The following CFAP20DC variants were observed in gnomAD, a reference collection of about 807,000 sequenced individuals.
The protein encoded by CFAP20DC is CFAP20 domain containing.
In CFAP20DC, 84 loss-of-function variants were observed where a neutral mutation model predicts 101.7. The observed-to-expected ratio is 0.83, with a 90% CI of 0.69 to 0.99. CFAP20DC has a LOEUF of 0.99. Among genes scored for constraint, CFAP20DC ranks in the 50% least tolerant of loss-of-function variants. CFAP20DC has a pLI of 0.00. For missense variants in CFAP20DC, 1,007 were observed against 970.3 expected (o/e 1.04, Z -0.50); for synonymous variants, 359 against 351.2 (o/e 1.02, Z -0.25).
chr3:58,959,974 G>T (rs115045896), intron 4 of CFAP20DC, among the ~76,000 whole-genome samples: 3,227 of 151,844 alleles, frequency 0.021, 48 homozygotes, highest in Middle Eastern at 0.058. Context: ...AAATTTTCTG[G>T]TTTTTTTTCT....
intron 4 of CFAP20DC, among the ~76,000 whole-genome samples, chr3:58,944,076 A>C (rs1045652849): frequency 5.9e-5 from 9 of 152,190 alleles, no homozygotes; most frequent in Non-Finnish European, 1.3e-4. Context: ...GAACTATGTA[A>C]AATGACCAAA....
intron 4 of CFAP20DC, among the ~76,000 whole-genome samples, chr3:59,011,569 A>G (rs1444810624): frequency 6.6e-6 from 1 of 152,072 alleles, no homozygotes; most frequent in Non-Finnish European, 1.5e-5. Flanking sequence ...AAGAAGAACA[A>G]ATCAAACCCA....
At chr3:58,803,379 A>T (rs1415951990) in intron 15 of CFAP20DC, among the ~76,000 whole-genome samples, 1 of 152,158 alleles carries the variant, frequency 6.6e-6, no homozygotes, top group East Asian at 1.9e-4. Context: ...AACAGGGTGG[A>T]CTTCAGAGAA....
At chr3:59,031,751 C>T (rs1054926807) in intron 4 of CFAP20DC, among the ~76,000 whole-genome samples, 2 of 152,106 alleles carry the variant, frequency 1.3e-5, no homozygotes, top group Admixed American at 1.3e-4. Flanking sequence ...AACATATAAA[C>T]AAATCATTAA....
intron 15 of CFAP20DC, among the ~76,000 whole-genome samples, chr3:58,764,388 C>T (rs569584719): frequency 4.6e-5 from 7 of 152,220 alleles, no homozygotes; most frequent in Admixed American, 1.3e-4. Flanking sequence ...GTTGGAAAAG[C>T]GCAGTATTAG....
intron 15 of CFAP20DC, among the ~76,000 whole-genome samples, chr3:58,781,496 C>A (rs1196563967): frequency 2.6e-5 from 4 of 151,420 alleles, no homozygotes; most frequent in South Asian, 4.2e-4. Context: ...TAAAAAGGAT[C>A]AACAAAACAA....
At position 58,834,540 on chromosome 3, in the gene CFAP20DC, G is replaced by T. The variant is rs80304610; in HGVS notation, c.1972-2651C>A. On this transcript the variant is annotated intron_variant, in intron 13 of 16. Coordinates refer to ENST00000482387, the MANE Select transcript of CFAP20DC (RefSeq NM_001394063.1). ...GCCTGAAGAACAACACTGGGTTCTA[G>T]GAGAGAAGAATAAGAGAGGATGTGG... is the stretch of plus-strand genomic sequence containing the variant. 8.4e-3 allele frequency among the ~76,000 whole-genome samples: 1,282 copies of T among 152,216 alleles called. 18 individuals carry two copies. Among genetic ancestry groups the T allele is most frequent in the African/African-American group, 0.029 (1,205 of 41,516 alleles).
At chr3:58,889,574 T>G (rs911000917) in intron 6 of CFAP20DC, among the ~76,000 whole-genome samples, 2 of 151,248 alleles carry the variant, frequency 1.3e-5, no homozygotes, top group Non-Finnish European at 2.9e-5. Context: ...ATTTTTTTAT[T>G]GATAATTCTT....
chr3:58,760,822 C>T (rs1044184555), intron 15 of CFAP20DC, among the ~76,000 whole-genome samples: 3 of 152,080 alleles, frequency 2.0e-5, no homozygotes, highest in Admixed American at 6.6e-5. Context: ...GTTCTGTTTA[C>T]ATGCTGGATT....
intron 4 of CFAP20DC, among the ~76,000 whole-genome samples, chr3:58,988,714 A>C (rs1403672330): frequency 6.6e-6 from 1 of 152,198 alleles, no homozygotes; most frequent in Admixed American, 6.5e-5. Flanking sequence ...AGTTTCTCCT[A>C]AAGAGAAATG....
chr3:58,935,622 T>A (rs2107742840), intron 5 of CFAP20DC, among the ~76,000 whole-genome samples: 1 of 152,242 alleles, frequency 6.6e-6, no homozygotes, highest in African/African-American at 2.4e-5. Context: ...TAACGCCGCA[T>A]ATCTACAACT....
At chr3:58,942,958 G>T (rs1353158200) in intron 4 of CFAP20DC, among the ~76,000 whole-genome samples, 1 of 152,200 alleles carries the variant, frequency 6.6e-6, no homozygotes, top group African/African-American at 2.4e-5. Flanking sequence ...AAAGCCACCA[G>T]GAATTTCGAA....
intron 7 of CFAP20DC, among the ~76,000 whole-genome samples, chr3:58,873,336 A>AC (rs2080415087): frequency 1.3e-5 from 2 of 150,310 alleles, no homozygotes; most frequent in East Asian, 4.0e-4. Flanking sequence ...AGAAGTCTGG[A>AC]TAGCTATGCT....
intron 15 of CFAP20DC, among the ~76,000 whole-genome samples, chr3:58,797,491 A>T (rs1041301109): frequency 2.0e-5 from 3 of 152,192 alleles, no homozygotes; most frequent in Non-Finnish European, 4.4e-5. Flanking sequence ...TTGAGTTAGC[A>T]GAGGTTGATT....
At chr3:58,777,693 A>G (rs1012401562) in intron 15 of CFAP20DC, among the ~76,000 whole-genome samples, 2 of 152,190 alleles carry the variant, frequency 1.3e-5, no homozygotes, top group African/African-American at 4.8e-5. Context: ...GGGAGTCTGG[A>G]GTGGCTTCCT....
At chr3:58,761,128 A>T (rs1445775440) in intron 15 of CFAP20DC, among the ~76,000 whole-genome samples, 1 of 152,028 alleles carries the variant, frequency 6.6e-6, no homozygotes, top group Admixed American at 6.6e-5. Context: ...TCCTCCTTGT[A>T]CCTCTGGTAC....
At chr3:58,823,903 G>T (rs1031252983) in intron 14 of CFAP20DC, among the ~76,000 whole-genome samples, 4 of 151,898 alleles carry the variant, frequency 2.6e-5, no homozygotes, top group Non-Finnish European at 5.9e-5. Context: ...AATCAGTTTT[G>T]CCACGTTACT....
chr3:58,825,528 A>T (rs957118966), intron 14 of CFAP20DC, among the ~76,000 whole-genome samples: 10 of 125,498 alleles, frequency 8.0e-5, no homozygotes, highest in African/African-American at 3.6e-4. Flanking sequence ...CCTGTTCCTT[A>T]AAAAAAGAAA....
intron 4 of CFAP20DC, among the ~76,000 whole-genome samples, chr3:59,009,405 C>A (rs1391589103): frequency 1.3e-5 from 2 of 151,532 alleles, no homozygotes; most frequent in African/African-American, 4.9e-5. Flanking sequence ...AAGGTAAAAA[C>A]CAACTTAAAT....
Sources: allele counts gnomAD v4.1 joint callset (sites outside exome capture counted in the v4.1 genomes callset), GRCh38; gene constraint gnomAD v4.1.1; transcripts MANE v1.5; gene names NCBI Gene and HGNC (gene_info 2026-07-23, HGNC 2026-07-21).